Variants in METTL15 observed in about 807,000 individuals in gnomAD.
METTL15 encodes methyltransferase 15, mitochondrial 12S rRNA N4-cytidine, also known as 12S rRNA N(4)-cytidine methyltransferase METTL15.
A neutral mutation model predicts 38.3 loss-of-function variants in METTL15; 34 were observed. The ratio of observed to expected loss-of-function variants is 0.89; its 90% CI spans 0.68 to 1.18. METTL15 has a LOEUF of 1.18. Ranked by LOEUF, METTL15 falls within the 50% of genes most tolerant of loss-of-function variation. The pLI is 0.00. For missense variants in METTL15, 438 were observed against 498.4 expected, an observed-to-expected ratio of 0.88 and a Z score of 1.15; for synonymous variants, 162 against 170.9, an observed-to-expected ratio of 0.95 and a Z score of 0.41.
intron 3 of METTL15, among the ~76,000 whole-genome samples, chr11:28,122,385 A>G (rs1466762536): frequency 1.3e-5 from 2 of 148,688 alleles, no homozygotes; most frequent in Non-Finnish European, 3.0e-5. Context: ...ATATATATAT[A>G]TATAGTCTTT....
At chr11:28,485,393 A>G (rs889443738) in intron 6 of METTL15, among the ~76,000 whole-genome samples, 3 of 152,224 alleles carry the variant, frequency 2.0e-5, no homozygotes. Flanking sequence ...TACTAATGAC[A>G]AATTCATTAG....
At chr11:28,260,452 C>T (rs1291009974) in intron 4 of METTL15, among the ~76,000 whole-genome samples, 2 of 152,136 alleles carry the variant, frequency 1.3e-5, no homozygotes, top group Admixed American at 6.5e-5. Context: ...TCTTTCAATA[C>T]TTATTACCTC....
chr11:28,141,257 G>T (rs1849689851), intron 3 of METTL15, among the ~76,000 whole-genome samples: 1 of 152,142 alleles, frequency 6.6e-6, no homozygotes, highest in African/African-American at 2.4e-5. Flanking sequence ...TCAGTATCTG[G>T]GTGCAGGTGT....
chr11:28,517,758 G>T (rs973701155), intron 6 of METTL15, among the ~76,000 whole-genome samples: 1 of 152,212 alleles, frequency 6.6e-6, no homozygotes, highest in Non-Finnish European at 1.5e-5. Flanking sequence ...GCCCGCCACG[G>T]TTACTGACAA....
intron 5 of METTL15, among the ~76,000 whole-genome samples, chr11:28,416,120 G>C (rs527319501): frequency 6.6e-6 from 1 of 152,348 alleles, no homozygotes; most frequent in East Asian, 1.9e-4. Context: ...TCACCCAAGC[G>C]TAGTACCTTG....
intron 3 of METTL15, among the ~76,000 whole-genome samples, chr11:28,135,363 C>T (rs1373867234): frequency 2.0e-5 from 3 of 152,044 alleles, no homozygotes; most frequent in African/African-American, 7.2e-5. Flanking sequence ...AAAGCTGAGC[C>T]CAGTCATGGG....
intron 4 of METTL15, among the ~76,000 whole-genome samples, chr11:28,262,427 T>C (rs371358638): frequency 6.8e-4 from 103 of 151,542 alleles, no homozygotes; most frequent in African/African-American, 2.2e-3. Context: ...TACACAGATA[T>C]GTACTTTCAT....
chr11:28,343,651 C>G (rs1041396113), intron 3 of METTL15, among the ~76,000 whole-genome samples: 11 of 152,130 alleles, frequency 7.2e-5, no homozygotes, highest in African/African-American at 1.9e-4. Context: ...ACAGCTCTAG[C>G]CTTTTATTTA....
chr11:28,259,462 C>T (rs1425994666), intron 4 of METTL15, among the ~76,000 whole-genome samples: 1 of 152,140 alleles, frequency 6.6e-6, no homozygotes, highest in African/African-American at 2.4e-5. Context: ...CTGGGAGTTG[C>T]AGTCCTTGTG....
rs542124341 is a variant in METTL15 at position 28,475,495 on chromosome 11, C to G, written c.*425-50983C>G. ...AAAATGATTTGTCTGGTCATGGTCT[C>G]GTGGTGTGGCTGTTGAGAAATGGTT... On this transcript the variant is annotated intron_variant and NMD_transcript_variant, in intron 6 of 7. Coordinates refer to the METTL15 transcript ENST00000532947. Among the ~76,000 whole-genome samples the G allele has an allele frequency of 7.0e-4, 107 of 152,278 alleles. 2 individuals are homozygous for G. The Middle Eastern group carries it at 0.027, about 39-fold the overall frequency.
chr11:28,308,932 A>G (rs1207242726), intron 6 of METTL15, among the ~76,000 whole-genome samples: 2 of 151,668 alleles, frequency 1.3e-5, no homozygotes, highest in African/African-American at 2.4e-5. Context: ...AGATAGATAG[A>G]TAGGCAGGCA....
In METTL15 at chr11:28,409,905, C is replaced by T. The variant is rs1023130915; in HGVS notation, c.*359-14394C>T. Among the ~76,000 whole-genome samples the T allele has an allele frequency of 8.6e-5, 13 of 151,724 alleles. 1 individual carries two copies. Among genetic ancestry groups the T allele is most frequent in the African/African-American group, 2.7e-4 (11 of 41,314 alleles). ...GCTAGACTAAGGAAAATAGAGAACACTCAATAAAATCAGAAATGAAAATGG... is the reference window on the plus strand; with the variant it reads ...GCTAGACTAAGGAAAATAGAGAACATTCAATAAAATCAGAAATGAAAATGG... On this transcript the variant is annotated intron_variant and NMD_transcript_variant, in intron 5 of 7. Transcript: ENST00000532947.
intron 6 of METTL15, among the ~76,000 whole-genome samples, chr11:28,482,698 T>C (rs1001093069): frequency 4.6e-5 from 7 of 152,174 alleles, no homozygotes; most frequent in African/African-American, 1.7e-4. Flanking sequence ...CAGGGCTACA[T>C]GCAAAGTGTG....
intron 6 of METTL15, among the ~76,000 whole-genome samples, chr11:28,486,462 G>A (rs1851440265): frequency 6.6e-6 from 1 of 151,946 alleles, no homozygotes; most frequent in Non-Finnish European, 1.5e-5. Flanking sequence ...TAGAGAAATT[G>A]GCAGGCCCTG....
intron 3 of METTL15, among the ~76,000 whole-genome samples, chr11:28,139,526 T>C (rs1320993187): frequency 6.6e-6 from 1 of 152,142 alleles, no homozygotes; most frequent in Non-Finnish European, 1.5e-5. Flanking sequence ...TATCCGCATT[T>C]ACCCACATGC....
chr11:28,396,513 C>T (rs1455705459), intron 5 of METTL15, among the ~76,000 whole-genome samples: 2 of 152,016 alleles, frequency 1.3e-5, no homozygotes, highest in East Asian at 1.9e-4. Context: ...GAATAAAATA[C>T]CTAGGAATCC....
rs754841109 is a variant in METTL15 at position 28,330,683 on chromosome 11, T to C, written c.1066T>C (p.Leu356=). The C allele has an allele frequency of 8.0e-5, 124 of 1,551,292 alleles. No individual in the cohort carries two copies. Among genetic ancestry groups the C allele is most frequent in the Middle Eastern group, 3.3e-4 (2 of 6,008 alleles). Residue 356 remains leucine, a synonymous_variant, in exon 7 of 7, where the codon TTG becomes CTG. Transcript: ENST00000407364. ...ACAACAAGTGATGAAAACATCTCAATTGGGTTCAGATCACGAAAACACGGA... is the reference window on the plus strand; with the variant it reads ...ACAACAAGTGATGAAAACATCTCAACTGGGTTCAGATCACGAAAACACGGA... ...VRQQVMKTSQ[L]GSDHENTEEV...
intron 6 of METTL15, among the ~76,000 whole-genome samples, chr11:28,495,975 G>T (rs576002025): frequency 2.8e-3 from 419 of 152,306 alleles, no homozygotes; most frequent in Non-Finnish European, 5.2e-3. Context: ...TATCCTGAAT[G>T]CATGGGGGTC....
At chr11:28,173,979 G>A (rs1185434640) in intron 3 of METTL15, among the ~76,000 whole-genome samples, 1 of 152,072 alleles carries the variant, frequency 6.6e-6, no homozygotes, top group Non-Finnish European at 1.5e-5. Context: ...ATTTTTCATT[G>A]TTGATGTTGA....
Sources: gnomAD v4.1 joint callset for allele counts (sites outside exome capture counted in the v4.1 genomes callset) on GRCh38, gnomAD v4.1.1 for gene constraint, MANE v1.5 for transcripts, NCBI Gene and HGNC (gene_info 2026-07-23, HGNC 2026-07-21) for gene names.